The following ZNF638 variants were observed in gnomAD, a reference collection of about 807,000 sequenced individuals.
ZNF638 encodes zinc finger protein 638, also known as CTCL tumor antigen se33-1.
A neutral mutation model predicts 195.6 loss-of-function variants in ZNF638; 46 were observed. The ratio of observed to expected loss-of-function variants is 0.24; its 90% CI spans 0.19 to 0.30. The LOEUF is 0.30. Among genes scored for constraint, ZNF638 ranks in the 10% least tolerant of loss-of-function variants. The pLI, the probability that ZNF638 is intolerant of heterozygous loss-of-function variation, is 1.00. For missense variants in ZNF638, 2,440 were observed against 2,325.3 expected (o/e 1.05, Z -1.01); for synonymous variants, 845 against 772.0 (o/e 1.09, Z -1.57).
intron 10 of ZNF638, among the ~76,000 whole-genome samples, chr2:71,394,324 A>G (rs2079849479): frequency 6.6e-6 from 1 of 152,194 alleles, no homozygotes; most frequent in South Asian, 2.1e-4. Context: ...CATCTGGGAC[A>G]TCTTAGCACC....
chr2:71,399,643 C>T lies in ZNF638; in HGVS notation c.2585C>T (p.Pro862Leu), dbSNP rs781342703. 2.3e-5 allele frequency: 37 copies of T among 1,607,516 alleles called. No individual in the cohort carries two copies. The South Asian group carries it at 3.9e-4, about 17-fold the overall frequency. ...GACTCTAACAAACCTGTGACTATAC[C>T]AGGTAAGCTTGAAATGTGGTCATTC... ...NKDSNKPVTIPENSEIKTSIE... is the reference protein window; with the variant it reads ...NKDSNKPVTILENSEIKTSIE... The change falls in exon 13 of 28, where the codon CCA becomes CTA. Residue 862 changes from proline (P) to leucine (L), a missense_variant and splice_region_variant. Physicochemically the swap from Pro to Leu is moderately conservative, Grantham distance 98. This residue lies in a region of ZNF638 where 1,883 missense variants were observed against 1,739.1 expected (regional missense o/e 1.08). Coordinates refer to ENST00000264447, the MANE Select transcript of ZNF638 (RefSeq NM_014497.5).
intron 10 of ZNF638, chr2:71,380,840 T>C (rs1383415510): frequency 3.9e-6 from 1 of 259,634 alleles, no homozygotes; most frequent in East Asian, 7.4e-5. Flanking sequence ...ATGTTTAGGT[T>C]AGTTATGCAA....
At chr2:71,332,418 G>A (rs1424971202) in intron 1 of ZNF638, among the ~76,000 whole-genome samples, 1 of 152,228 alleles carries the variant, frequency 6.6e-6, no homozygotes, top group East Asian at 1.9e-4. Context: ...GGGTTGGGGA[G>A]GGGGTGTCGG....
chr2:71,402,164 AAAG>A, intron 16 of ZNF638, 77 bp downstream of exon 16: 8 of 1,453,196 alleles, frequency 5.5e-6, no homozygotes, highest in South Asian at 4.2e-5. Flanking sequence ...ACAAAACTAA[AAAG>A]AAAAGGTTTA....
chr2:71,371,180 C>G (rs541985536), intron 8 of ZNF638, among the ~76,000 whole-genome samples: 1 of 152,260 alleles, frequency 6.6e-6, no homozygotes, highest in East Asian at 1.9e-4. Context: ...GAATCTCATT[C>G]ATTTTTATGG....
intron 10 of ZNF638, among the ~76,000 whole-genome samples, chr2:71,381,249 G>T (rs184951615): frequency 4.9e-4 from 74 of 152,178 alleles, no homozygotes; most frequent in Middle Eastern, 3.4e-3. Flanking sequence ...ATTGCGTTTT[G>T]TATGTTCTGT....
In ZNF638 at chr2:71,349,119, T is replaced by A; in HGVS notation, c.165T>A (p.Phe55Leu). ...AGRARGIPHR[F>L]AGHESYQNMG... is the part of the protein sequence containing the mutation. ...GAGCACGTGGAATTCCACACAGATT[T>A]GCTGGCCATGAATCTTATCAGAACA... The change falls in exon 2 of 28, where the codon TTT becomes TTA. Residue 55 changes from phenylalanine (F) to leucine (L), a missense_variant. Phe to Leu is a conservative substitution (Grantham distance 22, BLOSUM62 0). Transcript: ENST00000264447. The A allele has an allele frequency of 6.2e-7, 1 of 1,614,186 alleles. No homozygotes were observed. The highest frequency in any genetic ancestry group is 8.5e-7 in the Non-Finnish European group (1 of 1,180,026).
At chr2:71,419,408 TA>T (rs1419767248) in intron 21 of ZNF638, among the ~76,000 whole-genome samples, 1 of 152,228 alleles carries the variant, frequency 6.6e-6, no homozygotes, top group Non-Finnish European at 1.5e-5. Context: ...TGAAAGTGTT[TA>T]AATATGTAAA....
chr2:71,381,647 A>G (rs904854417), intron 10 of ZNF638, among the ~76,000 whole-genome samples: 3 of 152,120 alleles, frequency 2.0e-5, no homozygotes, highest in African/African-American at 4.8e-5. Flanking sequence ...TGTCATGTTA[A>G]AGAGTAATTT....
intron 25 of ZNF638, chr2:71,429,085 T>G (rs1351478293): frequency 6.4e-6 from 1 of 157,032 alleles, no homozygotes. Flanking sequence ...CTTGTCATAT[T>G]GTATTGGGTA....
chr2:71,350,849 C>T (rs2078927577), intron 2 of ZNF638, among the ~76,000 whole-genome samples: 2 of 152,034 alleles, frequency 1.3e-5, no homozygotes, highest in Admixed American at 1.3e-4. Flanking sequence ...ATTCTGGGAC[C>T]AGCTGTGGAC....
rs2078910397 is a variant in ZNF638 at position 71,349,797 on chromosome 2, T to A, written c.843T>A (p.Asn281Lys). The part of the protein sequence containing the change: ...QMDFPGESSN[N>K]RSFFSVESGT... ...ACTTCCCCGGTGAGTCCTCCAATAATCGGTCCTTTTTCTCAGTTGAGAGTG... is the reference window on the plus strand; with the variant it reads ...ACTTCCCCGGTGAGTCCTCCAATAAACGGTCCTTTTTCTCAGTTGAGAGTG... The change falls in exon 2 of 28, where the codon AAT becomes AAA. Residue 281 changes from asparagine (N) to lysine (K), a missense_variant. Physicochemically the swap from Asn to Lys is moderately conservative, Grantham distance 94. This residue lies in a region of ZNF638 where 305 missense variants were observed against 283.6 expected (regional missense o/e 1.08). Transcript: ENST00000264447. 1 of 1,614,072 alleles carries A rather than the reference T, an allele frequency of 6.2e-7. No individual in the cohort carries two copies. The highest frequency in any genetic ancestry group is 1.3e-5 in the African/African-American group (1 of 74,932).
At chr2:71,427,673 A>G (rs1450783483) in intron 24 of ZNF638, among the ~76,000 whole-genome samples, 2 of 152,214 alleles carry the variant, frequency 1.3e-5, no homozygotes, top group African/African-American at 4.8e-5. Flanking sequence ...TGAAGTAGCC[A>G]AATTAGAATT....
In ZNF638 at chr2:71,398,674, GTTTTGACTGCATC is replaced by G; in HGVS notation, c.2429-21_2429-9del. 6.2e-7 allele frequency: 1 copy of G among 1,605,640 alleles called. No individual in the cohort carries two copies. The highest frequency in any genetic ancestry group is 8.5e-7 in the Non-Finnish European group (1 of 1,172,780). On this transcript the variant is annotated splice_polypyrimidine_tract_variant and intron_variant, in intron 11 of 27. Coordinates refer to ENST00000264447, the MANE Select transcript of ZNF638 (RefSeq NM_014497.5). ...TTGTTGATACTAGTTAAGTAAACCA[GTTTTGACTGCATC>G]TTTTGTGATTTAGGGAAATCAGCAA...
At chr2:71,335,621 A>C (rs764863017) in intron 1 of ZNF638, among the ~76,000 whole-genome samples, 2 of 152,212 alleles carry the variant, frequency 1.3e-5, no homozygotes, top group Non-Finnish European at 2.9e-5. Flanking sequence ...TAATTCATTC[A>C]TGTGCCTGTC....
At chr2:71,402,195 T>G (rs995501303) in intron 16 of ZNF638, 108 bp downstream of exon 16, 7 of 1,192,602 alleles carry the variant, frequency 5.9e-6, no homozygotes, top group Non-Finnish European at 8.0e-6. Context: ...TATCTCAAAG[T>G]AAACTTTCAA....
chr2:71,383,781 T>TTTTTA (rs1491474933), intron 10 of ZNF638, among the ~76,000 whole-genome samples: 3 of 108,112 alleles, frequency 2.8e-5, no homozygotes, highest in African/African-American at 9.1e-5. Flanking sequence ...TTTTTTTTTT[T>TTTTTA]AGTAGAGATG....
intron 1 of ZNF638, among the ~76,000 whole-genome samples, chr2:71,343,258 A>G (rs946393709): frequency 1.3e-5 from 2 of 152,196 alleles, no homozygotes; most frequent in Non-Finnish European, 2.9e-5. Context: ...CTTTGAAACT[A>G]AAAAGTAGCC....
In ZNF638 at chr2:71,400,116, C is replaced by T; in HGVS notation, c.2592C>T (p.Asn864=). Reference sequence around the variant, plus strand: ...AAAGCAGACTATTTCATGCAGAAAACTCTGAAATAAAGACCAGTATTGAAG... The same window carrying T: ...AAAGCAGACTATTTCATGCAGAAAATTCTGAAATAAAGACCAGTATTGAAG... ...DSNKPVTIPE[N]SEIKTSIEVK... is the part of the protein sequence containing the mutation. The change falls in exon 14 of 28, where the codon AAC becomes AAT. Residue 864 remains asparagine (N), a synonymous_variant. Transcript: ENST00000264447. The T allele has an allele frequency of 1.2e-6, 2 of 1,602,776 alleles. No homozygotes were observed. The highest frequency in any genetic ancestry group is 2.2e-5 in the East Asian group (1 of 44,686).
Sources: gnomAD v4.1 joint callset for allele counts (sites outside exome capture counted in the v4.1 genomes callset) on GRCh38, gnomAD v4.1.1 for gene constraint, gnomAD v4.1.1 regional missense constraint, MANE v1.5 for transcripts, NCBI Gene and HGNC (gene_info 2026-07-23, HGNC 2026-07-21) for gene names.